The following PLXNA2 variants were observed in gnomAD, a reference collection of about 807,000 sequenced individuals.
PLXNA2 encodes plexin-A2.
In PLXNA2, 91 loss-of-function variants were observed where a neutral mutation model predicts 193.5. The observed-to-expected ratio is 0.47, with a 90% CI of 0.40 to 0.56. The LOEUF (loss-of-function observed/expected upper bound fraction) is 0.56, where lower values mean the gene tolerates loss of function less well. Among genes scored for constraint, PLXNA2 ranks in the 20% least tolerant of loss-of-function variants. PLXNA2 has a pLI of 0.00. For missense variants in PLXNA2, 1,995 were observed against 2,503.2 expected, an observed-to-expected ratio of 0.80 and a Z score of 4.33; for synonymous variants, 997 against 1,027.3, an observed-to-expected ratio of 0.97 and a Z score of 0.56.
At chr1:208,111,018 A>G (rs894516796) in intron 4 of PLXNA2, among the ~76,000 whole-genome samples, 5 of 152,142 alleles carry the variant, frequency 3.3e-5, no homozygotes, top group African/African-American at 1.2e-4. Context: ...CAGAAGGTGA[A>G]GAGGGACATA....
rs2102403802 is a variant in PLXNA2, at chr1:208,092,911, A to G, written c.1983-11T>C. 6.4e-7 allele frequency: 1 copy of G among 1,572,116 alleles called. No individual in the cohort carries two copies. The highest frequency in any genetic ancestry group is 2.2e-5 in the East Asian group (1 of 44,614). ...ACACAGGACAGGCACCTGCAAGGAC[A>G]GAGATGGTGAGAGGCAAAGAGAAGA... On this transcript the variant is annotated splice_polypyrimidine_tract_variant and intron_variant, in intron 8 of 31. Transcript: ENST00000367033.
chr1:208,158,362 TC>T (rs1243490969), intron 3 of PLXNA2, among the ~76,000 whole-genome samples: 1 of 152,158 alleles, frequency 6.6e-6, no homozygotes, highest in Non-Finnish European at 1.5e-5. Flanking sequence ...TACTTCTTTC[TC>T]CCTGTGTCTG....
At chr1:208,116,268 C>T (rs897308421) in intron 4 of PLXNA2, among the ~76,000 whole-genome samples, 3 of 152,224 alleles carry the variant, frequency 2.0e-5, no homozygotes, top group Middle Eastern at 3.2e-3. Flanking sequence ...GTCTAATGCA[C>T]TTTTTATACT....
intron 13 of PLXNA2, among the ~76,000 whole-genome samples, chr1:208,058,397 A>G (rs966947955): frequency 1.3e-5 from 2 of 152,208 alleles, no homozygotes; most frequent in African/African-American, 4.8e-5. Context: ...GGCGCAGCAC[A>G]AGCATATGGT....
chr1:208,221,589 C>T (rs1671340126), intron 1 of PLXNA2, among the ~76,000 whole-genome samples: 1 of 152,076 alleles, frequency 6.6e-6, no homozygotes, highest in African/African-American at 2.4e-5. Context: ...GAGGCACAGT[C>T]TCCTGCAGTG....
intron 18 of PLXNA2, among the ~76,000 whole-genome samples, 172 bp from the exon 19 acceptor site, chr1:208,045,382 AAG>A (rs1476539315): frequency 6.6e-6 from 1 of 152,228 alleles, no homozygotes; most frequent in African/African-American, 2.4e-5. Context: ...TCTAGAGAGA[AAG>A]AGAGAAAACA....
chr1:208,047,701 A>G (rs1665124051), intron 17 of PLXNA2, among the ~76,000 whole-genome samples: 1 of 152,232 alleles, frequency 6.6e-6, no homozygotes, highest in South Asian at 2.1e-4. Context: ...CGTCTGGCCA[A>G]CATACACACA....
At chr1:208,134,655 G>A (rs1668250753) in intron 4 of PLXNA2, among the ~76,000 whole-genome samples, 1 of 152,094 alleles carries the variant, frequency 6.6e-6, no homozygotes, top group Admixed American at 6.5e-5. Context: ...CAGAGGCTCA[G>A]CCAAGGCCTC....
intron 4 of PLXNA2, among the ~76,000 whole-genome samples, chr1:208,110,098 T>A (rs1395155020): frequency 6.6e-6 from 1 of 152,230 alleles, no homozygotes; most frequent in Non-Finnish European, 1.5e-5. Context: ...GAGAGAAATG[T>A]GGGCCAATGT....
Position 208,046,091 on chromosome 1 carries a change from G to A in PLXNA2, c.3282C>T (p.Thr1094=). The change falls in exon 18 of 32, where the codon ACC becomes ACT. Residue 1094 remains threonine (T), a synonymous_variant. Transcript: ENST00000367033. The part of the protein sequence containing the change: ...VNVCKVVNTT[T]LTCLAPSLTT... ...TCAGAGAGGGTGCCAGGCAGGTGAGGGTGGTTGTGTTCACAACTTTACACA... is the reference window on the plus strand; with the variant it reads ...TCAGAGAGGGTGCCAGGCAGGTGAGAGTGGTTGTGTTCACAACTTTACACA... 6.2e-7 allele frequency: 1 copy of A among 1,614,194 alleles called. No homozygotes were observed. Among genetic ancestry groups the A allele is most frequent in the Non-Finnish European group, 8.5e-7 (1 of 1,180,024 alleles).
At chr1:208,162,528 G>A (rs1242495391) in intron 3 of PLXNA2, among the ~76,000 whole-genome samples, 1 of 152,204 alleles carries the variant, frequency 6.6e-6, no homozygotes, top group Non-Finnish European at 1.5e-5. Flanking sequence ...TTTCTTTGAG[G>A]AGACTATGGG....
intron 9 of PLXNA2, 53 bp from the exon 10 acceptor site, chr1:208,084,633 G>A: frequency 6.4e-7 from 1 of 1,562,822 alleles, no homozygotes; most frequent in Non-Finnish European, 8.8e-7. Flanking sequence ...GCTGTCCTAT[G>A]TGCCTGGGAC....
chr1:208,201,805 C>A (rs1670560321), intron 3 of PLXNA2, among the ~76,000 whole-genome samples: 1 of 152,044 alleles, frequency 6.6e-6, no homozygotes, highest in South Asian at 2.1e-4. Context: ...TATTTAAATG[C>A]ACATATGCCC....
intron 1 of PLXNA2, among the ~76,000 whole-genome samples, chr1:208,232,851 A>G (rs1558258207): frequency 6.6e-6 from 1 of 152,148 alleles, no homozygotes; most frequent in African/African-American, 2.4e-5. Context: ...TTGGAATTCA[A>G]TTGTATGGAC....
intron 29 of PLXNA2, 108 bp downstream of exon 29, chr1:208,031,482 C>T: frequency 5.5e-6 from 8 of 1,446,268 alleles, no homozygotes; most frequent in Non-Finnish European, 7.7e-6. Flanking sequence ...TCACCCAGCC[C>T]CAGCCGAGAA....
intron 4 of PLXNA2, among the ~76,000 whole-genome samples, chr1:208,117,993 A>G (rs752768833): frequency 2.0e-5 from 3 of 152,134 alleles, no homozygotes; most frequent in Non-Finnish European, 2.9e-5. Context: ...CACCTGCCTG[A>G]GATCCAGGCA....
chr1:208,153,615 A>T (rs1019643521), intron 3 of PLXNA2, among the ~76,000 whole-genome samples: 1 of 152,158 alleles, frequency 6.6e-6, no homozygotes, highest in Non-Finnish European at 1.5e-5. Flanking sequence ...TATGAAAAGG[A>T]CTCCAGGACC....
chr1:208,180,664 G>A (rs1484675138), intron 3 of PLXNA2, among the ~76,000 whole-genome samples: 2 of 152,228 alleles, frequency 1.3e-5, no homozygotes, highest in South Asian at 2.1e-4. Context: ...CGAGGAAACT[G>A]AGAGTCACAG....
intron 1 of PLXNA2, among the ~76,000 whole-genome samples, chr1:208,233,649 C>T (rs1671760295): frequency 6.6e-6 from 1 of 152,232 alleles, no homozygotes; most frequent in Non-Finnish European, 1.5e-5. Context: ...GCCTCTCATT[C>T]CCTCGCAGCC....
Sources: allele counts gnomAD v4.1 joint callset (sites outside exome capture counted in the v4.1 genomes callset), GRCh38; gene constraint gnomAD v4.1.1; transcripts MANE v1.5; gene names NCBI Gene and HGNC (gene_info 2026-07-23, HGNC 2026-07-21).